Variants in TMOD3 observed in about 807,000 individuals in gnomAD.
TMOD3 encodes the protein tropomodulin-3.
In TMOD3, 20 loss-of-function variants were observed where a neutral mutation model predicts 39.2. That is an observed-to-expected ratio of 0.51 (90% CI 0.36 to 0.74). The LOEUF (loss-of-function observed/expected upper bound fraction) is 0.74. TMOD3 is among the 30% of genes least tolerant of loss of function. The pLI is 0.00. For missense variants in TMOD3, 381 were observed against 412.8 expected, an observed-to-expected ratio of 0.92 and a Z score of 0.67; for synonymous variants, 143 against 145.8, an observed-to-expected ratio of 0.98 and a Z score of 0.14.
chr15:51,889,017 G>T (rs781060802), intron 4 of TMOD3, 39 bp from the exon 5 acceptor site: 4 of 1,373,480 alleles, frequency 2.9e-6, no homozygotes, highest in Non-Finnish European at 3.0e-6. Flanking sequence ...AACTCTTCAT[G>T]TTTAAAACAA....
intron 1 of TMOD3, chr15:51,859,072 G>A: frequency 2.1e-6 from 1 of 476,064 alleles, no homozygotes; most frequent in Non-Finnish European, 3.8e-6. Context: ...CTTGAAATCA[G>A]ACAGCCATCT....
At chr15:51,876,359 G>C (rs1168111668) in intron 3 of TMOD3, among the ~76,000 whole-genome samples, 1 of 151,898 alleles carries the variant, frequency 6.6e-6, no homozygotes, top group Non-Finnish European at 1.5e-5. Flanking sequence ...TTTTAGAGGC[G>C]GGTCTTGCTA....
At chr15:51,862,226 A>G (rs1288974244) in intron 1 of TMOD3, among the ~76,000 whole-genome samples, 1 of 152,178 alleles carries the variant, frequency 6.6e-6, no homozygotes, top group Non-Finnish European at 1.5e-5. Context: ...ATATCCCAGC[A>G]TGATTTTGAG....
chr15:51,893,778 T>C (rs747028621), intron 5 of TMOD3, 37 bp from the exon 6 acceptor site: 2 of 1,384,114 alleles, frequency 1.4e-6, no homozygotes, highest in Admixed American at 2.6e-5. Flanking sequence ...AAAAAAAAAA[T>C]GGTATCAAAT....
intron 9 of TMOD3, among the ~76,000 whole-genome samples, chr15:51,908,409 G>T (rs1240303478): frequency 6.6e-6 from 1 of 152,164 alleles, no homozygotes; most frequent in Non-Finnish European, 1.5e-5. Flanking sequence ...CCTAATGTCT[G>T]TTTTATTAAT....
rs2056425788 is a variant in TMOD3, at chr15:51,862,844, A to C, written c.-41A>C. ...AAAAGTAGAGATCACTTCTGACTGTACTGAACAGCAAAAATTAAGTGACTT... is the reference window on the plus strand; with the variant it reads ...AAAAGTAGAGATCACTTCTGACTGTCCTGAACAGCAAAAATTAAGTGACTT... On this transcript the variant is annotated 5_prime_UTR_variant, in exon 2 of 10. Transcript: ENST00000308580. 1 of 1,597,852 alleles carries C rather than the reference A, an allele frequency of 6.3e-7. No individual in the cohort carries two copies. The highest frequency in any genetic ancestry group is 1.3e-5 in the African/African-American group (1 of 74,162).
chr15:51,859,324 T>C, intron 1 of TMOD3: 1 of 725,092 alleles, frequency 1.4e-6, no homozygotes, highest in East Asian at 2.8e-5. Context: ...GGTTCCTTGA[T>C]ACAATCCACC....
chr15:51,886,071 C>T (rs2056560844), intron 3 of TMOD3, among the ~76,000 whole-genome samples: 2 of 146,978 alleles, frequency 1.4e-5, no homozygotes, highest in African/African-American at 2.6e-5. Flanking sequence ...TCAGACGGGG[C>T]GGCCGGGCAG....
intron 1 of TMOD3, among the ~76,000 whole-genome samples, chr15:51,840,886 T>C (rs2056309803): frequency 6.6e-6 from 1 of 152,256 alleles, no homozygotes; most frequent in South Asian, 2.1e-4. Context: ...CTGTGGCTTC[T>C]TGCTATCACC....
chr15:51,851,479 T>C (rs977980287), intron 1 of TMOD3, among the ~76,000 whole-genome samples: 2 of 152,160 alleles, frequency 1.3e-5, no homozygotes, highest in African/African-American at 2.4e-5. Context: ...CCAGCAAATG[T>C]TTTATTTAGT....
intron 7 of TMOD3, among the ~76,000 whole-genome samples, chr15:51,897,133 A>G (rs942987352): frequency 1.3e-5 from 2 of 152,172 alleles, no homozygotes; most frequent in African/African-American, 4.8e-5. Flanking sequence ...AAAGCCCTGT[A>G]CTGGTTTCTC....
At chr15:51,903,858 C>T (rs2441780) in intron 9 of TMOD3, among the ~76,000 whole-genome samples, 55,372 of 152,040 alleles carry the variant, frequency 0.36, 10,464 homozygotes, top group Middle Eastern at 0.43. Flanking sequence ...TGACCAGAGC[C>T]TCACGACCAT....
At chr15:51,892,746 T>A (rs967797970) in intron 5 of TMOD3, among the ~76,000 whole-genome samples, 1 of 152,232 alleles carries the variant, frequency 6.6e-6, no homozygotes, top group African/African-American at 2.4e-5. Flanking sequence ...TTACTGCCTT[T>A]ATGCCAATTA....
chr15:51,891,408 G>A (rs1445547360), intron 5 of TMOD3, among the ~76,000 whole-genome samples: 2 of 152,088 alleles, frequency 1.3e-5, no homozygotes, highest in African/African-American at 4.8e-5. Context: ...GGCTTGATGA[G>A]ATGCAGGTGC....
intron 1 of TMOD3, among the ~76,000 whole-genome samples, chr15:51,843,054 A>G (rs1448414312): frequency 1.3e-5 from 2 of 152,186 alleles, no homozygotes; most frequent in East Asian, 3.9e-4. Context: ...CACCGTACTC[A>G]TGACTCAGTG....
At chr15:51,860,915 G>A (rs1367979588) in intron 1 of TMOD3, 7 of 429,710 alleles carry the variant, frequency 1.6e-5, no homozygotes, top group Middle Eastern at 6.5e-4. Context: ...CAGCCTAGGC[G>A]ACAGAGCAAG....
At chr15:51,906,455 T>C (rs2056681212) in intron 9 of TMOD3, among the ~76,000 whole-genome samples, 1 of 152,216 alleles carries the variant, frequency 6.6e-6, no homozygotes, top group Non-Finnish European at 1.5e-5. Flanking sequence ...GAAATAATTC[T>C]ACCTGCTCTC....
At chr15:51,888,151 T>C (rs1351030579) in intron 4 of TMOD3, among the ~76,000 whole-genome samples, 1 of 152,208 alleles carries the variant, frequency 6.6e-6, no homozygotes, top group East Asian at 1.9e-4. Flanking sequence ...TTCCCAACTT[T>C]TCTGAAGTGT....
chr15:51,872,923 C>T (rs10519326), intron 3 of TMOD3, among the ~76,000 whole-genome samples: 2,336 of 152,298 alleles, frequency 0.015, 85 homozygotes, highest in Admixed American at 0.074. Context: ...GATGGAAGCA[C>T]ATACTATCAG....
Sources: allele counts gnomAD v4.1 joint callset (sites outside exome capture counted in the v4.1 genomes callset), GRCh38; gene constraint gnomAD v4.1.1; transcripts MANE v1.5; gene names NCBI Gene and HGNC (gene_info 2026-07-23, HGNC 2026-07-21).